MLXIPL: variants seen among roughly 807,000 people sequenced by gnomAD.
MLXIPL encodes the protein MLX interacting protein like.
In MLXIPL, 49 loss-of-function variants were observed where a neutral mutation model predicts 81.5. That is an observed-to-expected ratio of 0.60 (90% CI 0.48 to 0.76). The LOEUF (loss-of-function observed/expected upper bound fraction) is 0.76. Ranked by LOEUF, MLXIPL falls within the 30% of genes least tolerant of loss-of-function variation. MLXIPL has a pLI of 0.00. For missense variants in MLXIPL, 1,053 were observed against 1,167.0 expected (o/e 0.90, Z 1.42); for synonymous variants, 466 against 485.5 (o/e 0.96, Z 0.53).
upstream of MLXIPL, among the ~76,000 whole-genome samples, chr7:73,625,261 T>G (rs1472532276): frequency 1.3e-5 from 2 of 152,062 alleles, no homozygotes; most frequent in African/African-American, 4.8e-5. Context: ...AGGGGCACCC[T>G]CCTGTGAGGC....
chr7:73,612,368 C>T (rs553883063), intron 2 of MLXIPL, among the ~76,000 whole-genome samples: 7 of 149,228 alleles, frequency 4.7e-5, no homozygotes, highest in African/African-American at 9.9e-5. Context: ...AGGCCAGGCG[C>T]GGTGGCTCAC....
the MLXIPL span, among the ~76,000 whole-genome samples, chr7:73,641,824 TG>T: frequency 1.3e-5 from 2 of 152,152 alleles, no homozygotes; most frequent in South Asian, 4.1e-4. Flanking sequence ...TTAGTAGAGA[TG>T]GGGTTTCACC....
In MLXIPL at chr7:73,623,885, GC is replaced by G. The variant is rs1796543145; in HGVS notation, c.293+314del. Reference sequence around the variant, plus strand: ...CTGGCATTTTTGTAGGGACGGAGGGGCTGGGACCAGAGAGAGGGGACCAGAG... The same window carrying G: ...CTGGCATTTTTGTAGGGACGGAGGGGTGGGACCAGAGAGAGGGGACCAGAG... On this transcript the variant is annotated intron_variant, in intron 1 of 16. Transcript: ENST00000313375. This position sits in a 1 kb window ranked among gnomAD's most constrained non-coding sequence, Gnocchi z 5.7. Among the ~76,000 whole-genome samples the G allele has an allele frequency of 6.6e-6, 1 of 152,054 alleles. No homozygotes were observed. The highest frequency in any genetic ancestry group is 2.4e-5 in the African/African-American group (1 of 41,418).
At chr7:73,616,890 G>A (rs968746092) in intron 1 of MLXIPL, among the ~76,000 whole-genome samples, 4 of 152,116 alleles carry the variant, frequency 2.6e-5, no homozygotes, top group Non-Finnish European at 5.9e-5. Context: ...GAGAGTCAGG[G>A]AGGAAAGGGG....
At chr7:73,595,538 T>C in intron 15 of MLXIPL, 99 bp downstream of exon 15, 2 of 1,609,790 alleles carry the variant, frequency 1.2e-6, no homozygotes, top group Non-Finnish European at 1.7e-6. Flanking sequence ...GCTCTGAGCC[T>C]GCCCGGCCTG....
At chr7:73,626,308 TTA>T (rs200250193), upstream of MLXIPL, among the ~76,000 whole-genome samples, 4,791 of 151,776 alleles carry the variant, frequency 0.032, 106 homozygotes, top group Non-Finnish European at 0.048. Context: ...CCCAGCCTAT[TTA>T]TATATTTTTA....
At chr7:73,617,322 G>A (rs2116468544) in intron 1 of MLXIPL, among the ~76,000 whole-genome samples, 1 of 152,070 alleles carries the variant, frequency 6.6e-6, no homozygotes, top group African/African-American at 2.4e-5. Flanking sequence ...CCCAGCCGAG[G>A]GTGCCTCTTT....
chr7:73,599,584 G>C lies in MLXIPL; in HGVS notation c.1013C>G (p.Pro338Arg). The part of the protein sequence containing the change: ...DSLFSSGTLG[P>R]EVPPASSAMT... ...GGCCGAGGAAGCCGGGGGCACCTCTGGGCCCAGGGTCCCACTGCTGAAGAG... is the reference window on the plus strand; with the variant it reads ...GGCCGAGGAAGCCGGGGGCACCTCTCGGCCCAGGGTCCCACTGCTGAAGAG... Residue 338 changes from proline to arginine, a missense_variant, in exon 8 of 17, where the codon CCA (proline) becomes CGA (arginine). Transcript: ENST00000313375. The C allele has an allele frequency of 1.2e-6, 2 of 1,612,934 alleles. No individual in the cohort carries two copies. Among genetic ancestry groups the C allele is most frequent in the Non-Finnish European group, 1.7e-6 (2 of 1,179,444 alleles).
At position 73,623,066 on chromosome 7, in the gene MLXIPL, A is replaced by G. The variant is rs1375256638; in HGVS notation, c.293+1134T>C. Reference sequence around the variant, plus strand: ...ACGCCCTGGCCGATCGGGTTGCAACATGACCTGGGCCAGGGGCCAGAGCTT... The same window carrying G: ...ACGCCCTGGCCGATCGGGTTGCAACGTGACCTGGGCCAGGGGCCAGAGCTT... On this transcript the variant is annotated intron_variant, in intron 1 of 16. Coordinates refer to ENST00000313375, the MANE Select transcript of MLXIPL (RefSeq NM_032951.3). The surrounding 1 kb of genome is among the most constrained non-coding windows in gnomAD (Gnocchi z 5.7). 2.6e-5 allele frequency among the ~76,000 whole-genome samples: 4 copies of G among 152,104 alleles called. No individual in the cohort carries two copies. Among genetic ancestry groups the G allele is most frequent in the African/African-American group, 4.8e-5 (2 of 41,426 alleles).
chr7:73,644,495 C>T, the MLXIPL span, among the ~76,000 whole-genome samples: 1 of 152,156 alleles, frequency 6.6e-6, no homozygotes, highest in Non-Finnish European at 1.5e-5. Flanking sequence ...CAGACACGAG[C>T]CACTGTGCCT....
chr7:73,614,811 T>A (rs1415407628), intron 2 of MLXIPL, among the ~76,000 whole-genome samples: 1 of 12,810 alleles, frequency 7.8e-5, no homozygotes, highest in Non-Finnish European at 1.8e-4. Flanking sequence ...GTTTTGCCCT[T>A]TTTTTTTTTT....
chr7:73,594,378 A>G lies in MLXIPL; in HGVS notation c.2336T>C (p.Phe779Ser), dbSNP rs1554592955. Residue 779 changes from phenylalanine to serine, a missense_variant, in exon 16 of 17, where the codon TTT becomes TCT. By Grantham distance (155) the Phe-to-Ser change is radical. This residue lies in a region of MLXIPL where 823 missense variants were observed against 933.0 expected (regional missense o/e 0.88). Coordinates refer to ENST00000313375, the MANE Select transcript of MLXIPL (RefSeq NM_032951.3). The stretch of plus-strand genomic sequence containing the variant: ...GGACACCATCCCGTTGAAGGACTCA[A>G]ACAGAGGCCGGATGAGGATGCTGAA... ...WVFSILIRPLFESFNGMVSTA... is the reference protein window; with the variant it reads ...WVFSILIRPLSESFNGMVSTA... 1 of 1,605,944 alleles carries G rather than the reference A, an allele frequency of 6.2e-7. No homozygotes were observed. The highest frequency in any genetic ancestry group is 1.1e-5 in the South Asian group (1 of 91,092).
Position 73,597,438 on chromosome 7 carries a change from C to A in MLXIPL, c.1347G>T (p.Leu449=), listed in dbSNP as rs201189325. 98 of 1,429,978 alleles carry A rather than the reference C, an allele frequency of 6.9e-5. No homozygotes were observed. The East Asian group carries it at 2.0e-3, about 29-fold the overall frequency. 88.6% of individuals were successfully genotyped at this position (1,429,978 alleles called of 1,614,324 possible). The change falls in exon 9 of 17, where the codon CTG becomes CTT. Residue 449 remains leucine (L), a synonymous_variant. Coordinates refer to ENST00000313375, the MANE Select transcript of MLXIPL (RefSeq NM_032951.3). The part of the protein sequence containing the change: ...TVPPAPGVSP[L]PAPAAFPPTP... The stretch of plus-strand genomic sequence containing the variant: ...TGGGTGGGAAGGCTGCAGGAGCAGG[C>A]AGCGGAGACACTCCTGGGGCAGGAG...
At chr7:73,647,596 G>T in the MLXIPL span, among the ~76,000 whole-genome samples, 42 of 152,264 alleles carry the variant, frequency 2.8e-4, no homozygotes, top group Non-Finnish European at 4.7e-4. Context: ...CTTCCTCCTG[G>T]CAGCTGAGGC....
Position 73,596,738 on chromosome 7 carries a change from G to A in MLXIPL, c.1723C>T (p.Pro575Ser), listed in dbSNP as rs951187470. The A allele has an allele frequency of 6.3e-7, 1 of 1,596,030 alleles. No homozygotes were observed. The highest frequency in any genetic ancestry group is 2.3e-5 in the East Asian group (1 of 44,360). Residue 575 changes from proline to serine, a missense_variant, in exon 11 of 17, where the codon CCT becomes TCT. Physicochemically the swap from Pro to Ser is moderately conservative, Grantham distance 74 (BLOSUM62 -1). Transcript: ENST00000313375. The surrounding 1 kb of genome is among the most constrained non-coding windows in gnomAD (Gnocchi z 4.7). ...PCTFLPPTPA[P>S]TPPRPPPGPA... ...CCTGGAGGTGGCCGGGGCGGTGTAG[G>A]GGCCGGGGTCGGGGGAAGGAATGTG...
intron 2 of MLXIPL, among the ~76,000 whole-genome samples, chr7:73,613,917 A>G (rs2116435838): frequency 6.6e-6 from 1 of 152,262 alleles, no homozygotes; most frequent in South Asian, 2.1e-4. Context: ...CGGGCAGATC[A>G]TCTGAGGTCA....
chr7:73,629,974 TTTTATTTATTTATTTA>T, the MLXIPL span, among the ~76,000 whole-genome samples: 42 of 143,606 alleles, frequency 2.9e-4, no homozygotes, highest in South Asian at 4.5e-4. Flanking sequence ...TTTTTATTAT[TTTTATTTATTTATTTA>T]TTTATTTATT....
intron 2 of MLXIPL, chr7:73,609,318 C>T (rs1554599239): frequency 6.8e-6 from 1 of 147,460 alleles, no homozygotes; most frequent in African/African-American, 2.5e-5. Context: ...GATCCCAGCT[C>T]ACTGCAACCT....
chr7:73,616,845 T>C, intron 1 of MLXIPL, among the ~76,000 whole-genome samples: 1 of 105,862 alleles, frequency 9.4e-6, no homozygotes, highest in Non-Finnish European at 1.8e-5. Flanking sequence ...TGAAACTCCG[T>C]CTCAAAAAAA....
Sources: gnomAD v4.1 joint callset for allele counts (sites outside exome capture counted in the v4.1 genomes callset) on GRCh38, gnomAD v4.1.1 for gene constraint, gnomAD v4.1.1 regional missense constraint, Gnocchi (gnomAD v3.1) non-coding constraint, MANE v1.5 for transcripts, NCBI Gene and HGNC (gene_info 2026-07-23, HGNC 2026-07-21) for gene names.